Variants in TEX36 observed in about 807,000 individuals in gnomAD.
The protein encoded by TEX36 is testis expressed 36, also known as testis-expressed protein 36.
A neutral mutation model predicts 13.6 loss-of-function variants in TEX36; 12 were observed. That is an observed-to-expected ratio of 0.88 (90% CI 0.56 to 1.43). The LOEUF is 1.43. TEX36 is among the 40% of genes most tolerant of loss of function. TEX36 has a pLI of 0.00. For missense variants in TEX36, 224 were observed against 228.3 expected (o/e 0.98, Z 0.12); for synonymous variants, 93 against 83.0 (o/e 1.12, Z -0.65).
At chr10:125,584,907 C>T (rs904279521) in intron 3 of TEX36, among the ~76,000 whole-genome samples, 7 of 152,226 alleles carry the variant, frequency 4.6e-5, no homozygotes, top group African/African-American at 1.7e-4. Flanking sequence ...TGAACATCTG[C>T]TGTTTCATGG....
At chr10:125,662,663 C>T (rs1847064505) in intron 1 of TEX36, among the ~76,000 whole-genome samples, 1 of 152,132 alleles carries the variant, frequency 6.6e-6, no homozygotes. Context: ...GAGCTCTGGA[C>T]ATTGGGTGGC....
chr10:125,672,412 T>C (rs186927985), intron 1 of TEX36, among the ~76,000 whole-genome samples: 10 of 152,348 alleles, frequency 6.6e-5, no homozygotes, highest in Non-Finnish European at 1.5e-4. Flanking sequence ...AAGAGCAGAT[T>C]GTTCAAATTC....
chr10:125,667,253 T>C (rs978573400), intron 1 of TEX36: 3 of 627,184 alleles, frequency 4.8e-6, no homozygotes, highest in Admixed American at 1.9e-5. Context: ...GGGGTGACCA[T>C]GCTGGGGTTC....
chr10:125,624,392 G>A (rs1230723346), intron 3 of TEX36, among the ~76,000 whole-genome samples: 2 of 152,336 alleles, frequency 1.3e-5, no homozygotes, highest in African/African-American at 4.8e-5. Flanking sequence ...GAAACCCAGG[G>A]GCAGACATCC....
At chr10:125,608,656 G>C (rs892593759) in intron 3 of TEX36, among the ~76,000 whole-genome samples, 1 of 152,094 alleles carries the variant, frequency 6.6e-6, no homozygotes, top group Admixed American at 6.5e-5. Flanking sequence ...CAGCCTCCCC[G>C]CTCAGCACAT....
downstream of TEX36, among the ~76,000 whole-genome samples, chr10:125,616,839 T>C (rs1225301616): frequency 4.8e-5 from 7 of 145,918 alleles, no homozygotes; most frequent in Middle Eastern, 3.5e-3. Flanking sequence ...CTGGGTATCC[T>C]TGTTGACTTT....
intron 3 of TEX36, among the ~76,000 whole-genome samples, chr10:125,650,625 G>A (rs916388600): frequency 1.3e-5 from 2 of 152,128 alleles, no homozygotes; most frequent in Non-Finnish European, 2.9e-5. Context: ...AAAGCTAGCA[G>A]AAGGGGCAAG....
intron 1 of TEX36, among the ~76,000 whole-genome samples, chr10:125,682,518 C>T (rs970778487): frequency 6.6e-6 from 1 of 152,174 alleles, no homozygotes; most frequent in African/African-American, 2.4e-5. Flanking sequence ...GCCTTCTATG[C>T]TCCAGATCCT....
intron 3 of TEX36, among the ~76,000 whole-genome samples, chr10:125,613,286 T>TATC (rs1470451497): frequency 7.2e-6 from 1 of 139,662 alleles, no homozygotes; most frequent in Non-Finnish European, 1.5e-5. Flanking sequence ...TATTTATTTT[T>TATC]ATTATTATTA....
At chr10:125,652,050 G>C (rs965232724), downstream of TEX36, among the ~76,000 whole-genome samples, 1 of 152,174 alleles carries the variant, frequency 6.6e-6, no homozygotes, top group Admixed American at 6.5e-5. Context: ...TCAATATTGT[G>C]AAAACGGCCT....
intron 3 of TEX36, among the ~76,000 whole-genome samples, chr10:125,626,352 G>T (rs1405799799): frequency 6.6e-6 from 1 of 152,092 alleles, no homozygotes; most frequent in Non-Finnish European, 1.5e-5. Context: ...CTATATCCTG[G>T]GCCTGGCATC....
chr10:125,668,014 G>A (rs912813338), intron 1 of TEX36: 2 of 713,584 alleles, frequency 2.8e-6, no homozygotes, highest in Non-Finnish European at 5.1e-6. Flanking sequence ...TCCAGACGGA[G>A]GCCCTTGGTT....
At chr10:125,606,690 T>C (rs910440201) in intron 3 of TEX36, among the ~76,000 whole-genome samples, 27 of 152,244 alleles carry the variant, frequency 1.8e-4, no homozygotes, top group Admixed American at 1.8e-3. Flanking sequence ...TATTTCTATA[T>C]TACTGTTCCG....
At chr10:125,592,722 C>G (rs1453795370) in intron 3 of TEX36, among the ~76,000 whole-genome samples, 9 of 152,168 alleles carry the variant, frequency 5.9e-5, no homozygotes, top group African/African-American at 1.9e-4. Context: ...GTGACCCATA[C>G]TTCCAACCAC....
chr10:125,601,791 A>G (rs1178407200), intron 3 of TEX36, among the ~76,000 whole-genome samples: 1 of 152,194 alleles, frequency 6.6e-6, no homozygotes, highest in African/African-American at 2.4e-5. Context: ...ATCACAGCCC[A>G]TGAACTCTTC....
chr10:125,650,867 A>G (rs1305732011), downstream of TEX36, among the ~76,000 whole-genome samples: 1 of 152,246 alleles, frequency 6.6e-6, no homozygotes, highest in East Asian at 1.9e-4. Context: ...TACTATAAAC[A>G]TATCTACACA....
chr10:125,679,333 T>A (rs1037603654), intron 1 of TEX36, among the ~76,000 whole-genome samples: 2 of 152,010 alleles, frequency 1.3e-5, no homozygotes, highest in African/African-American at 4.8e-5. Context: ...CAGCCCAAGT[T>A]TCCATAATGC....
rs573123546 is a variant in TEX36 at position 125,628,989 on chromosome 10, G to A, written c.265-7344C>T. On this transcript the variant is annotated intron_variant, in intron 3 of 3. Coordinates refer to the TEX36 transcript ENST00000526819. ...GAAAATAGAAGTGTGAGCTCCATTT[G>A]ACAGGCGAGAAAGCTGAGGTTAAGA... Among the ~76,000 whole-genome samples, 8 of 152,320 alleles carry A rather than the reference G, an allele frequency of 5.3e-5. No homozygotes were observed. The Middle Eastern group carries it at 0.017, about 324-fold the overall frequency.
downstream of TEX36, among the ~76,000 whole-genome samples, chr10:125,620,268 T>C (rs1037835270): frequency 1.7e-4 from 26 of 152,342 alleles, no homozygotes; most frequent in African/African-American, 6.3e-4. Context: ...CACTAGGTTT[T>C]AAATTATAAT....
Sources: allele counts gnomAD v4.1 joint callset (sites outside exome capture counted in the v4.1 genomes callset), GRCh38; gene constraint gnomAD v4.1.1; transcripts MANE v1.5; gene names NCBI Gene and HGNC (gene_info 2026-07-23, HGNC 2026-07-21).